Variants in TPO observed in about 807,000 individuals in gnomAD.
TPO encodes the protein thyroid microsomal antigen.
A neutral mutation model predicts 96.9 loss-of-function variants in TPO; 78 were observed. The ratio of observed to expected loss-of-function variants is 0.81; its 90% confidence interval spans 0.67 to 0.97. TPO has a LOEUF of 0.97. Ranked by LOEUF, TPO falls within the 50% of genes least tolerant of loss-of-function variation. TPO has a pLI of 0.00. For missense variants in TPO, 1,252 were observed against 1,274.8 expected, an observed-to-expected ratio of 0.98 and a Z score of 0.27; for synonymous variants, 547 against 538.0, an observed-to-expected ratio of 1.02 and a Z score of -0.23.
chr2:1,521,638 G>A (rs187042558), intron 15 of TPO, among the ~76,000 whole-genome samples: 380 of 152,274 alleles, frequency 2.5e-3, no homozygotes, highest in African/African-American at 8.3e-3. Context: ...AAGTCCGAGA[G>A]AACTGGCCCT....
At chr2:1,388,296 C>T (rs886881564) in intron 1 of TPO, among the ~76,000 whole-genome samples, 4 of 152,200 alleles carry the variant, frequency 2.6e-5, no homozygotes, top group African/African-American at 9.6e-5. Flanking sequence ...TGTCTGTGCC[C>T]TGCCCCCAGA....
At chr2:1,503,553 G>A (rs1184357584) in intron 13 of TPO, among the ~76,000 whole-genome samples, 3 of 152,092 alleles carry the variant, frequency 2.0e-5, no homozygotes, top group African/African-American at 4.8e-5. Flanking sequence ...AGGACCTGCC[G>A]GCCAGCTGGG....
At chr2:1,484,558 T>C (rs1670944494) in intron 8 of TPO, 38 bp from the exon 9 acceptor site, 3 of 1,613,770 alleles carry the variant, frequency 1.9e-6, no homozygotes, top group Non-Finnish European at 2.5e-6. Context: ...TCCTCTGGTA[T>C]CCTGGGCCTC....
chr2:1,485,000 T>C, intron 9 of TPO, 146 bp downstream of exon 9: 1 of 1,324,724 alleles, frequency 7.5e-7, no homozygotes, highest in East Asian at 2.5e-5. Context: ...GTTGGTTTGC[T>C]GTACCCATTA....
At chr2:1,384,322 A>G (rs1207777888) in intron 1 of TPO, among the ~76,000 whole-genome samples, 1 of 152,134 alleles carries the variant, frequency 6.6e-6, no homozygotes, top group Non-Finnish European at 1.5e-5. Flanking sequence ...TTTTCACCAT[A>G]TTGATTCTTC....
intron 1 of TPO, among the ~76,000 whole-genome samples, chr2:1,399,274 G>T (rs540270646): frequency 6.6e-6 from 1 of 152,322 alleles, no homozygotes; most frequent in South Asian, 2.1e-4. Flanking sequence ...TGCATTTTCT[G>T]CGCGGAGCTT....
At chr2:1,530,901 T>G (rs1291546466) in intron 15 of TPO, among the ~76,000 whole-genome samples, 1 of 29,884 alleles carries the variant, frequency 3.3e-5, no homozygotes. Context: ...GTGTGCAACC[T>G]CCCCAAATCC....
intron 8 of TPO, among the ~76,000 whole-genome samples, chr2:1,480,559 T>TACACACGC: frequency 2.3e-5 from 1 of 44,362 alleles, no homozygotes; most frequent in African/African-American, 9.5e-5. Context: ...TCAAACCCCC[T>TACACACGC]ACACACACAC....
rs765915244 is a variant in TPO at position 1,414,434 on chromosome 2, T to C, written c.26T>C (p.Val9Ala). The C allele has an allele frequency of 6.2e-7, 1 of 1,613,984 alleles. No individual in the cohort carries two copies. The highest frequency in any genetic ancestry group is 1.7e-5 in the Admixed American group (1 of 60,012). The change falls in exon 2 of 17, where the codon GTC becomes GCC. Residue 9 changes from valine to alanine, a missense_variant. Transcript: ENST00000329066. ...ATGAGAGCGCTCGCTGTGCTGTCTG[T>C]CACGCTGGTTATGGCCTGCACAGAA... MRALAVLS[V>A]TLVMACTEAF... is the part of the protein sequence containing the mutation.
chr2:1,446,406 G>C (rs1013010961), intron 5 of TPO, among the ~76,000 whole-genome samples: 1 of 152,166 alleles, frequency 6.6e-6, no homozygotes, highest in African/African-American at 2.4e-5. Context: ...CCAAGTGGCT[G>C]CTCCAATCTG....
chr2:1,390,736 A>G (rs1661987022), intron 1 of TPO, among the ~76,000 whole-genome samples: 1 of 152,100 alleles, frequency 6.6e-6, no homozygotes, highest in South Asian at 2.1e-4. Flanking sequence ...CTGGCATGAG[A>G]TGGTATTTCA....
At position 1,516,967 on chromosome 2, in the gene TPO, C is replaced by T. The variant is rs201576336; in HGVS notation, c.2603C>T (p.Thr868Met). ...GGAGGCTTCGCAGGTCTCACCTCGA[C>T]GGTGATTTGCAGGTGGTAAGTCCTT... is the stretch of plus-strand genomic sequence containing the variant. Reference protein sequence around the residue: ...LIGGFAGLTSTVICRWTRTGT... With the variant: ...LIGGFAGLTSMVICRWTRTGT... Residue 868 changes from threonine to methionine, a missense_variant, in exon 15 of 17, where the codon ACG (threonine) becomes ATG (methionine). Thr to Met is a moderately conservative substitution (Grantham distance 81, BLOSUM62 -1). Transcript: ENST00000329066. 4.8e-5 allele frequency: 77 copies of T among 1,613,784 alleles called. No individual in the cohort carries two copies. In the East Asian group the frequency reaches 7.6e-4, roughly 16 times the overall value.
chr2:1,464,908 G>T (rs977370643), intron 7 of TPO, among the ~76,000 whole-genome samples: 6 of 152,122 alleles, frequency 3.9e-5, no homozygotes, highest in Non-Finnish European at 8.8e-5. Flanking sequence ...GTTTAATTAA[G>T]TCCCAACTAT....
chr2:1,406,648 G>T (rs1167023647), intron 1 of TPO, among the ~76,000 whole-genome samples: 1 of 152,176 alleles, frequency 6.6e-6, no homozygotes. Context: ...CTCACTTAGG[G>T]TCACAACATG....
chr2:1,509,480 G>A (rs1003588610), intron 14 of TPO, among the ~76,000 whole-genome samples: 20 of 151,924 alleles, frequency 1.3e-4, no homozygotes, highest in African/African-American at 4.4e-4. Flanking sequence ...TCTTGTTTGA[G>A]GGACACCCCA....
At chr2:1,432,074 C>T (rs1308604235) in intron 3 of TPO, among the ~76,000 whole-genome samples, 20 of 152,392 alleles carry the variant, frequency 1.3e-4, no homozygotes, top group Non-Finnish European at 2.6e-4. Context: ...GGAGAGGCCC[C>T]GCCCTGCAGG....
chr2:1,451,838 T>A (rs1034967874), intron 5 of TPO, among the ~76,000 whole-genome samples: 1 of 152,226 alleles, frequency 6.6e-6, no homozygotes, highest in African/African-American at 2.4e-5. Context: ...ATATTCTAAT[T>A]CTCTCATATT....
chr2:1,469,004 C>T (rs1669142615), intron 7 of TPO, among the ~76,000 whole-genome samples: 1 of 152,178 alleles, frequency 6.6e-6, no homozygotes, highest in Non-Finnish European at 1.5e-5. Flanking sequence ...ATTGCTGAGA[C>T]TTTCCAGTAC....
intron 7 of TPO, among the ~76,000 whole-genome samples, chr2:1,467,532 T>A (rs938582884): frequency 2.0e-5 from 3 of 152,242 alleles, no homozygotes; most frequent in Non-Finnish European, 2.9e-5. Context: ...CAGTTTTATT[T>A]CACTGTGGTC....
Sources: allele counts gnomAD v4.1 joint callset (sites outside exome capture counted in the v4.1 genomes callset), GRCh38; gene constraint gnomAD v4.1.1; transcripts MANE v1.5; gene names NCBI Gene and HGNC (gene_info 2026-07-23, HGNC 2026-07-21).